USP22: variants seen among roughly 807,000 people sequenced by gnomAD.
USP22 encodes the protein ubiquitin specific peptidase 22, also known as ubiquitin carboxyl-terminal hydrolase 22.
A neutral mutation model predicts 68.1 loss-of-function variants in USP22; 22 were observed. The observed-to-expected ratio is 0.32, with a 90% CI of 0.23 to 0.46. The LOEUF is 0.46. Among genes scored for constraint, USP22 ranks in the 20% least tolerant of loss-of-function variants. The pLI is 1.00. For missense variants in USP22, 433 were observed against 695.8 expected, an observed-to-expected ratio of 0.62 and a Z score of 4.25; for synonymous variants, 279 against 274.2, an observed-to-expected ratio of 1.02 and a Z score of -0.17.
At chr17:21,032,922 C>CAAGAAA (rs1972309377) in intron 1 of USP22, among the ~76,000 whole-genome samples, 1 of 91,578 alleles carries the variant, frequency 1.1e-5, no homozygotes, top group African/African-American at 5.8e-5. Context: ...GACCCTGTCT[C>CAAGAAA]AAAAAAAAAA....
At chr17:21,005,092 T>A in intron 10 of USP22, 102 bp from the exon 11 acceptor site, 1 of 1,330,986 alleles carries the variant, frequency 7.5e-7, no homozygotes, top group African/African-American at 1.4e-5. Context: ...ACCATGCAGA[T>A]GCTGCACCGA....
At chr17:21,008,092 T>C in intron 8 of USP22, 96 bp from the exon 9 acceptor site, 4 of 1,423,298 alleles carry the variant, frequency 2.8e-6, no homozygotes, top group Non-Finnish European at 3.8e-6. Flanking sequence ...TTGGGTTGAT[T>C]TCCCTACCAA....
chr17:21,042,646 G>C lies in USP22; in HGVS notation c.171+19C>G, dbSNP rs977673183. 3 of 1,260,736 alleles carry C rather than the reference G, an allele frequency of 2.4e-6. No homozygotes were observed. The highest frequency in any genetic ancestry group is 3.0e-6 in the Non-Finnish European group (3 of 999,672). 78.1% of individuals were successfully genotyped at this position (1,260,736 alleles called of 1,614,324 possible). A position where few individuals can be genotyped will look rare whatever the true frequency, so the allele number is the denominator to read the frequency against. On this transcript the variant is annotated intron_variant, in intron 1 of 12. Coordinates refer to ENST00000261497, the MANE Select transcript of USP22 (RefSeq NM_015276.2). ...GCAGAAGGCCCCGAGCCCGCCGCGC[G>C]GTGGGCTGCCGGGCGCACCTTGCGC... is the stretch of plus-strand genomic sequence containing the variant.
intron 1 of USP22, among the ~76,000 whole-genome samples, chr17:21,038,619 G>A (rs1363821931): frequency 6.6e-6 from 1 of 150,512 alleles, no homozygotes; most frequent in East Asian, 2.0e-4. Flanking sequence ...AGTGAGCCAT[G>A]ATCATACCAC....
chr17:21,029,211 A>AGTG (rs1329197257), intron 1 of USP22, among the ~76,000 whole-genome samples: 5 of 152,224 alleles, frequency 3.3e-5, no homozygotes, highest in Non-Finnish European at 7.3e-5. Flanking sequence ...TGATGAGCAC[A>AGTG]GTGGTAAACA....
rs1302183801 is a variant in USP22, at chr17:21,016,044, T to TTGCA, written c.691-149_691-146dup. ...TGTTTGGATTTTACTTTTCTACTTTTTGCAAAGTCTATTTTTATCTGGGCT... is the reference window on the plus strand; with the variant it reads ...TGTTTGGATTTTACTTTTCTACTTTTTGCATGCAAAGTCTATTTTTATCTGGGCT... On this transcript the variant is annotated intron_variant, in intron 5 of 12. Coordinates refer to ENST00000261497, the MANE Select transcript of USP22 (RefSeq NM_015276.2). The TTGCA allele has an allele frequency of 4.4e-6, 5 of 1,137,274 alleles. No homozygotes were observed. In the African/African-American group the frequency reaches 8.0e-5, roughly 18 times the overall value. 70.4% of individuals were successfully genotyped at this position (1,137,274 alleles called of 1,614,324 possible).
At position 21,002,392 on chromosome 17, in the gene USP22, G is replaced by C. The variant is rs991969561; in HGVS notation, c.*639C>G. The C allele has an allele frequency of 1.3e-5, 2 of 152,326 alleles. No individual in the cohort carries two copies. The highest frequency in any genetic ancestry group is 2.9e-5 in the Non-Finnish European group (2 of 68,146). 9.4% of individuals were successfully genotyped at this position (152,326 alleles called of 1,614,324 possible). A position where few individuals can be genotyped will look rare whatever the true frequency, so the allele number is the denominator to read the frequency against. On this transcript the variant is annotated 3_prime_UTR_variant, in exon 13 of 13. Coordinates refer to ENST00000261497, the MANE Select transcript of USP22 (RefSeq NM_015276.2). ...AGGAGCGGGAGAGGGATAAGAAAAT[G>C]CCTGTTTCTAGAAAACCGCGAGATG...
At chr17:21,042,516 A>G in intron 1 of USP22, 149 bp downstream of exon 1, 4 of 720,854 alleles carry the variant, frequency 5.5e-6, no homozygotes, top group Non-Finnish European at 7.7e-6. Context: ...AGGGGTAAAG[A>G]GAAGAGAGGG....
intron 1 of USP22, among the ~76,000 whole-genome samples, chr17:21,030,303 C>T (rs1047514315): frequency 6.6e-5 from 10 of 152,092 alleles, no homozygotes; most frequent in Non-Finnish European, 1.5e-5. Context: ...GCACCTATCC[C>T]TTTTTTCCCC....
chr17:21,014,116 G>A (rs1260175592), intron 6 of USP22, among the ~76,000 whole-genome samples: 1 of 152,196 alleles, frequency 6.6e-6, no homozygotes, highest in African/African-American at 2.4e-5. Context: ...GAAAGATGCC[G>A]TGAAGGCCAC....
chr17:21,014,685 T>C (rs1187824652), intron 6 of USP22, among the ~76,000 whole-genome samples: 1 of 152,026 alleles, frequency 6.6e-6, no homozygotes, highest in Admixed American at 6.5e-5. Context: ...TGAGAAGCGA[T>C]GGGAAGGCCA....
chr17:21,003,962 G>A (rs1468615667), intron 12 of USP22, among the ~76,000 whole-genome samples: 1 of 151,338 alleles, frequency 6.6e-6, no homozygotes, highest in African/African-American at 2.4e-5. Flanking sequence ...AAAAACAACT[G>A]CTCTGACGTT....
At chr17:21,024,216 A>C (rs531976222) in intron 2 of USP22, among the ~76,000 whole-genome samples, 1 of 152,216 alleles carries the variant, frequency 6.6e-6, no homozygotes, top group Non-Finnish European at 1.5e-5. Flanking sequence ...ATCCTGACAG[A>C]GACAAGTTTA....
At chr17:21,018,524 G>T (rs11656662) in intron 4 of USP22, among the ~76,000 whole-genome samples, 30 of 151,970 alleles carry the variant, frequency 2.0e-4, no homozygotes, top group African/African-American at 6.8e-4. Context: ...AGACCAGCCT[G>T]GGCAACATGG....
chr17:21,023,402 C>T (rs1157868993), intron 2 of USP22, among the ~76,000 whole-genome samples: 1 of 152,066 alleles, frequency 6.6e-6, no homozygotes, highest in Non-Finnish European at 1.5e-5. Flanking sequence ...CCTGTAATCC[C>T]AGCACTTTGG....
chr17:21,003,803 G>A (rs1913678117), intron 12 of USP22, among the ~76,000 whole-genome samples: 2 of 151,868 alleles, frequency 1.3e-5, no homozygotes, highest in South Asian at 2.1e-4. Context: ...GGGAGGCTGA[G>A]GCAGGAGACT....
intron 7 of USP22, 183 bp from the exon 8 acceptor site, chr17:21,011,492 G>C: frequency 2.7e-6 from 2 of 728,008 alleles, no homozygotes; most frequent in Non-Finnish European, 2.2e-6. Flanking sequence ...TGGCTCCCAA[G>C]GTGGCCCTGG....
intron 8 of USP22, 79 bp downstream of exon 8, chr17:21,011,072 G>A (rs1452297680): frequency 3.3e-6 from 5 of 1,499,122 alleles, no homozygotes; most frequent in Non-Finnish European, 4.4e-6. Flanking sequence ...GCATGTGAAA[G>A]AGCCCTGCTT....
At chr17:21,012,773 G>C in intron 7 of USP22, 57 bp downstream of exon 7, 2 of 1,470,014 alleles carry the variant, frequency 1.4e-6, no homozygotes, top group South Asian at 1.1e-5. Flanking sequence ...AGACTGGGAG[G>C]ATGTCAGTAC....
Sources: allele counts gnomAD v4.1 joint callset (sites outside exome capture counted in the v4.1 genomes callset), GRCh38; gene constraint gnomAD v4.1.1; transcripts MANE v1.5; gene names NCBI Gene and HGNC (gene_info 2026-07-23, HGNC 2026-07-21).